Variants in TPRG1 observed in about 807,000 individuals in gnomAD.
TPRG1 encodes the protein tumor protein p63 regulated 1.
Under a neutral mutation model 29.3 loss-of-function variants are expected in TPRG1, and 29 were observed. That is an observed-to-expected ratio of 0.99 (90% confidence interval 0.74 to 1.35). The LOEUF (loss-of-function observed/expected upper bound fraction) is 1.35, where lower values mean the gene tolerates loss of function less well. Among genes scored for constraint, TPRG1 ranks in the 40% most tolerant of loss-of-function variants. The pLI is 0.00. For missense variants in TPRG1, 327 were observed against 335.0 expected, an observed-to-expected ratio of 0.98 and a Z score of 0.19; for synonymous variants, 130 against 116.8, an observed-to-expected ratio of 1.11 and a Z score of -0.73.
intron 5 of TPRG1, chr3:189,315,376 A>G (rs1577049530): frequency 5.0e-6 from 2 of 400,352 alleles, no homozygotes; most frequent in South Asian, 3.7e-5. Context: ...GTGATATGGT[A>G]TAATATTGTA....
intron 4 of TPRG1, among the ~76,000 whole-genome samples, chr3:189,249,182 C>A (rs1356688456): frequency 1.3e-5 from 2 of 151,544 alleles, no homozygotes; most frequent in African/African-American, 2.4e-5. Flanking sequence ...TATATGGCTA[C>A]TTGATTTGTC....
At chr3:189,281,585 A>AT (rs1179724313) in intron 4 of TPRG1, among the ~76,000 whole-genome samples, 2 of 152,030 alleles carry the variant, frequency 1.3e-5, no homozygotes, top group African/African-American at 4.8e-5. Context: ...ATATGGAGAC[A>AT]TTTTTTATCC....
At chr3:189,018,684 T>C (rs1454589054) in intron 3 of TPRG1, among the ~76,000 whole-genome samples, 2 of 151,660 alleles carry the variant, frequency 1.3e-5, no homozygotes, top group African/African-American at 4.9e-5. Context: ...AGCTTTGTTC[T>C]TTTGGCTTAG....
intron 3 of TPRG1, among the ~76,000 whole-genome samples, chr3:189,218,577 G>A (rs957187035): frequency 6.6e-6 from 1 of 152,174 alleles, no homozygotes; most frequent in African/African-American, 2.4e-5. Flanking sequence ...AGAATGATGA[G>A]AGTAAAAGCC....
Position 189,150,619 on chromosome 3 carries a change from A to T in TPRG1, c.-226-37A>T, listed in dbSNP as rs925967845. 3 of 152,332 alleles carry T rather than the reference A, an allele frequency of 2.0e-5. No homozygotes were observed. In the Middle Eastern group the frequency reaches 0.01, roughly 518 times the overall value. 9.4% of individuals were successfully genotyped at this position (152,332 alleles called of 1,614,324 possible). A position where few individuals can be genotyped will look rare whatever the true frequency, so the allele number is the denominator to read the frequency against. On this transcript the variant is annotated intron_variant, in intron 4 of 6. Transcript: ENST00000412373. ...AGGCTTGGGACCAGGATCACAATACATGATCAATAACTGCTTTTTAAATGT... is the reference window on the plus strand; with the variant it reads ...AGGCTTGGGACCAGGATCACAATACTTGATCAATAACTGCTTTTTAAATGT...
intron 1 of TPRG1, among the ~76,000 whole-genome samples, chr3:189,107,944 T>C (rs1469522171): frequency 4.6e-5 from 7 of 152,084 alleles, no homozygotes; most frequent in African/African-American, 1.4e-4. Context: ...AATCATAAGG[T>C]TGTATCGTAA....
At chr3:189,291,208 C>A (rs752288875) in intron 4 of TPRG1, among the ~76,000 whole-genome samples, 2 of 152,090 alleles carry the variant, frequency 1.3e-5, no homozygotes, top group African/African-American at 4.8e-5. Flanking sequence ...GCCGGTAGAC[C>A]CATTTCTAAA....
At chr3:189,187,993 TATA>T (rs372495187) in intron 1 of TPRG1, among the ~76,000 whole-genome samples, 225 of 152,296 alleles carry the variant, frequency 1.5e-3, no homozygotes, top group African/African-American at 5.3e-3. Context: ...CGGAGGAAGT[TATA>T]ATAAGTTGTC....
chr3:189,075,598 ATC>A (rs1717116641), intron 4 of TPRG1, among the ~76,000 whole-genome samples: 1 of 152,036 alleles, frequency 6.6e-6, no homozygotes, highest in South Asian at 2.1e-4. Context: ...ACTTGAAACT[ATC>A]TCCCCCTATC....
rs1729417278 is a variant in TPRG1, at chr3:189,175,820, CT to C, written c.-10+3690del. Among the ~76,000 whole-genome samples the C allele has an allele frequency of 2.0e-5, 3 of 152,316 alleles. No homozygotes were observed. In the South Asian group the frequency reaches 6.2e-4, roughly 32 times the overall value. On this transcript the variant is annotated intron_variant, in intron 1 of 5. Transcript: ENST00000345063. Reference sequence around the variant, plus strand: ...AAAGGTTTCTCTCTCTCAAGAAAGTCTATTCCTCTGGGTTATCTGAATGTTA... The same window carrying C: ...AAAGGTTTCTCTCTCTCAAGAAAGTCATTCCTCTGGGTTATCTGAATGTTA...
At chr3:189,139,201 C>T (rs1243472916) in intron 3 of TPRG1, among the ~76,000 whole-genome samples, 3 of 152,160 alleles carry the variant, frequency 2.0e-5, no homozygotes, top group African/African-American at 7.2e-5. Context: ...AATGTATGCT[C>T]AGAGATGTTA....
chr3:189,110,207 G>C (rs2152206133), intron 1 of TPRG1, among the ~76,000 whole-genome samples: 1 of 152,292 alleles, frequency 6.6e-6, no homozygotes, highest in South Asian at 2.1e-4. Context: ...CAAGGTGGCT[G>C]TAAGTTTGCA....
intron 4 of TPRG1, among the ~76,000 whole-genome samples, chr3:189,264,230 G>C (rs929661886): frequency 1.3e-5 from 2 of 152,066 alleles, no homozygotes; most frequent in African/African-American, 2.4e-5. Context: ...TGGGTCAATG[G>C]TTAACCAAGA....
chr3:189,217,288 C>G (rs1320701175), intron 3 of TPRG1, among the ~76,000 whole-genome samples: 1 of 152,164 alleles, frequency 6.6e-6, no homozygotes, highest in Non-Finnish European at 1.5e-5. Context: ...AAACTTTGAA[C>G]CCAGCTTGAA....
At chr3:189,316,124 T>C (rs1723482426) in intron 5 of TPRG1, among the ~76,000 whole-genome samples, 1 of 152,224 alleles carries the variant, frequency 6.6e-6, no homozygotes, top group Non-Finnish European at 1.5e-5. Context: ...TGTGCACATA[T>C]GTGCATATGT....
chr3:189,016,939 A>G (rs1712966888), intron 3 of TPRG1, among the ~76,000 whole-genome samples: 2 of 152,106 alleles, frequency 1.3e-5, no homozygotes, highest in Admixed American at 1.3e-4. Context: ...AAACGAATTA[A>G]TATACTGGGT....
At chr3:189,223,992 C>G (rs539590342) in intron 3 of TPRG1, among the ~76,000 whole-genome samples, 17 of 152,310 alleles carry the variant, frequency 1.1e-4, no homozygotes, top group Admixed American at 7.2e-4. Context: ...CACAGTTTCT[C>G]TCCTCAAGGT....
chr3:189,263,618 G>T (rs1262700238), intron 4 of TPRG1, among the ~76,000 whole-genome samples: 1 of 152,202 alleles, frequency 6.6e-6, no homozygotes, highest in Non-Finnish European at 1.5e-5. Context: ...GAATTGCTGA[G>T]AAATGGGTTT....
At chr3:189,246,242 C>T (rs1332251624) in intron 4 of TPRG1, among the ~76,000 whole-genome samples, 1 of 152,184 alleles carries the variant, frequency 6.6e-6, no homozygotes, top group Non-Finnish European at 1.5e-5. Context: ...CTTTGCTCCT[C>T]CTTCACCTTC....
Sources: gnomAD v4.1 joint callset for allele counts (sites outside exome capture counted in the v4.1 genomes callset) on GRCh38, gnomAD v4.1.1 for gene constraint, MANE v1.5 for transcripts, NCBI Gene and HGNC (gene_info 2026-07-23, HGNC 2026-07-21) for gene names.